Variants in SLC2A13 observed in about 807,000 individuals in gnomAD.
SLC2A13 encodes proton myo-inositol cotransporter.
A neutral mutation model predicts 64.4 loss-of-function variants in SLC2A13; 32 were observed. The observed-to-expected ratio is 0.50, with a 90% confidence interval of 0.37 to 0.67. SLC2A13 has a LOEUF of 0.67. SLC2A13 is among the 30% of genes least tolerant of loss of function. SLC2A13 has a pLI of 0.00. For synonymous variants in SLC2A13, 338 were observed against 327.1 expected, an observed-to-expected ratio of 1.03 and a Z score of -0.36; for missense variants, 743 against 829.2, an observed-to-expected ratio of 0.90 and a Z score of 1.28.
At chr12:39,849,650 A>G (rs1456096495) in intron 6 of SLC2A13, among the ~76,000 whole-genome samples, 2 of 152,128 alleles carry the variant, frequency 1.3e-5, no homozygotes, top group African/African-American at 4.8e-5. Context: ...TGTTGCTCCA[A>G]TTTCTCTCTG....
At chr12:40,011,189 G>A (rs1174538733) in intron 3 of SLC2A13, among the ~76,000 whole-genome samples, 1 of 152,112 alleles carries the variant, frequency 6.6e-6, no homozygotes, top group East Asian at 1.9e-4. Context: ...CACCTGTGTT[G>A]AGTGTTGACT....
chr12:39,865,545 A>G (rs1943885797), intron 5 of SLC2A13, among the ~76,000 whole-genome samples: 1 of 152,234 alleles, frequency 6.6e-6, no homozygotes, highest in East Asian at 1.9e-4. Flanking sequence ...ACTTAAAAGA[A>G]TAATTTTTGT....
intron 3 of SLC2A13, among the ~76,000 whole-genome samples, chr12:40,024,195 A>C (rs1432951921): frequency 6.6e-6 from 1 of 152,218 alleles, no homozygotes; most frequent in Non-Finnish European, 1.5e-5. Context: ...ACATACCACA[A>C]AATGATGGAA....
At chr12:39,994,186 G>A (rs28365670) in intron 3 of SLC2A13, among the ~76,000 whole-genome samples, 13 of 151,706 alleles carry the variant, frequency 8.6e-5, no homozygotes, top group African/African-American at 2.9e-4. Context: ...TCAGGAGATC[G>A]AGACCATCCT....
intron 7 of SLC2A13, among the ~76,000 whole-genome samples, chr12:39,824,122 T>A (rs1942600317): frequency 6.6e-6 from 1 of 152,186 alleles, no homozygotes; most frequent in Non-Finnish European, 1.5e-5. Context: ...GAAATTAGAA[T>A]TTATAATCTA....
intron 2 of SLC2A13, among the ~76,000 whole-genome samples, chr12:40,043,268 G>T (rs1948122904): frequency 6.6e-6 from 1 of 151,996 alleles, no homozygotes; most frequent in Non-Finnish European, 1.5e-5. Flanking sequence ...TTTCAAAAAA[G>T]GATATTTTTT....
chr12:39,941,841 C>G (rs1458453651), intron 4 of SLC2A13, among the ~76,000 whole-genome samples: 1 of 152,110 alleles, frequency 6.6e-6, no homozygotes, highest in Non-Finnish European at 1.5e-5. Flanking sequence ...TTTATAGTTT[C>G]AGGTCTTGGG....
At chr12:39,860,229 A>T (rs1943720553) in intron 6 of SLC2A13, among the ~76,000 whole-genome samples, 1 of 152,190 alleles carries the variant, frequency 6.6e-6, no homozygotes, top group African/African-American at 2.4e-5. Context: ...AGTAAGATGT[A>T]AGTGTAGGTG....
chr12:39,849,859 C>G (rs1592202817), intron 6 of SLC2A13, among the ~76,000 whole-genome samples: 1 of 151,716 alleles, frequency 6.6e-6, no homozygotes, highest in Non-Finnish European at 1.5e-5. Context: ...TCTTTTTTTT[C>G]TGGTGAGATT....
chr12:40,027,141 C>G (rs988716484), intron 3 of SLC2A13, among the ~76,000 whole-genome samples: 5 of 151,474 alleles, frequency 3.3e-5, no homozygotes, highest in Admixed American at 1.3e-4. Context: ...TAGACAGGAG[C>G]ATAAAATAAG....
chr12:39,982,381 C>A (rs1946924330), intron 3 of SLC2A13, among the ~76,000 whole-genome samples: 1 of 139,294 alleles, frequency 7.2e-6, no homozygotes, highest in African/African-American at 2.6e-5. Context: ...AAGAGGAAGT[C>A]AAATTGTCCC....
chr12:39,915,508 T>C (rs1945507771), intron 4 of SLC2A13, among the ~76,000 whole-genome samples: 1 of 152,006 alleles, frequency 6.6e-6, no homozygotes, highest in Non-Finnish European at 1.5e-5. Flanking sequence ...AGACAATTCA[T>C]GGCTGAGGAG....
At chr12:40,017,500 C>T (rs1055921690) in intron 3 of SLC2A13, among the ~76,000 whole-genome samples, 5 of 152,192 alleles carry the variant, frequency 3.3e-5, no homozygotes, top group African/African-American at 9.6e-5. Flanking sequence ...AAAACCATCT[C>T]CTTAATTGTT....
At chr12:40,099,958 T>C (rs1939091121) in intron 1 of SLC2A13, among the ~76,000 whole-genome samples, 1 of 152,150 alleles carries the variant, frequency 6.6e-6, no homozygotes, top group South Asian at 2.1e-4. Context: ...ATTAACTATT[T>C]GAAAATTAGG....
chr12:39,951,870 T>C (rs1356498412), intron 3 of SLC2A13, among the ~76,000 whole-genome samples: 3 of 152,190 alleles, frequency 2.0e-5, no homozygotes, highest in Non-Finnish European at 2.9e-5. Flanking sequence ...TTGGGCATGA[T>C]GTCAGCCTTG....
At chr12:39,979,463 C>G (rs1327688608) in intron 3 of SLC2A13, among the ~76,000 whole-genome samples, 1 of 145,774 alleles carries the variant, frequency 6.9e-6, no homozygotes, top group African/African-American at 2.5e-5. Context: ...ATAACCAATA[C>G]AGAGAAGTGC....
At chr12:39,969,370 G>A (rs1465160478) in intron 3 of SLC2A13, among the ~76,000 whole-genome samples, 5 of 152,070 alleles carry the variant, frequency 3.3e-5, no homozygotes, top group East Asian at 1.9e-4. Flanking sequence ...TTGAGGAATC[G>A]CCACACTGTC....
chr12:40,073,592 T>G (rs886700699), intron 1 of SLC2A13, among the ~76,000 whole-genome samples: 13 of 152,082 alleles, frequency 8.5e-5, no homozygotes, highest in Non-Finnish European at 1.0e-4. Flanking sequence ...GCAACAAATT[T>G]CCTTTGTTTA....
intron 1 of SLC2A13, among the ~76,000 whole-genome samples, chr12:40,053,213 C>T (rs528067190): frequency 2.9e-5 from 4 of 137,558 alleles, no homozygotes; most frequent in South Asian, 2.4e-4. Flanking sequence ...ACCCGGGAGG[C>T]GGAGGTTGCA....
Sources: allele counts gnomAD v4.1 joint callset (sites outside exome capture counted in the v4.1 genomes callset), GRCh38; gene constraint gnomAD v4.1.1; transcripts MANE v1.5; gene names NCBI Gene and HGNC (gene_info 2026-07-23, HGNC 2026-07-21).